DHRSX: variants seen among roughly 807,000 people sequenced by gnomAD.
The protein encoded by DHRSX is polyprenol dehydrogenase.
DHRSX carries 31 observed loss-of-function variants against 34.0 expected under a neutral mutation model. The observed-to-expected ratio is 0.91, with a 90% CI of 0.69 to 1.23. The LOEUF (loss-of-function observed/expected upper bound fraction) is 1.23, where lower values mean the gene tolerates loss of function less well. DHRSX is among the 50% of genes most tolerant of loss of function. The pLI is 0.00. For synonymous variants in DHRSX, 201 were observed against 183.8 expected, an observed-to-expected ratio of 1.09 and a Z score of -0.76; for missense variants, 414 against 428.1, an observed-to-expected ratio of 0.97 and a Z score of 0.29.
chrX:2,345,459 A>G (rs1320494209), intron 3 of DHRSX, among the ~76,000 whole-genome samples: 1 of 151,936 alleles, frequency 6.6e-6, no homozygotes, highest in Non-Finnish European at 1.5e-5. Context: ...CCTGGCCAAC[A>G]TGGTGAAACC....
chrX:2,450,219 G>A (rs1320593703), intron 1 of DHRSX, among the ~76,000 whole-genome samples: 1 of 151,988 alleles, frequency 6.6e-6, no homozygotes, highest in Non-Finnish European at 1.5e-5. Flanking sequence ...TTTTTGGAAG[G>A]CCCACTTGTC....
intron 4 of DHRSX, among the ~76,000 whole-genome samples, chrX:2,276,386 A>G (rs1327317229): frequency 6.6e-6 from 1 of 152,228 alleles, no homozygotes; most frequent in Non-Finnish European, 1.5e-5. Flanking sequence ...TGGAGAATAC[A>G]CAATAGAACT....
intron 3 of DHRSX, among the ~76,000 whole-genome samples, chrX:2,361,868 C>T (rs1391987005): frequency 6.6e-6 from 1 of 152,172 alleles, no homozygotes; most frequent in Non-Finnish European, 1.5e-5. Flanking sequence ...GGTTCACCAT[C>T]GGCAAGCATT....
intron 5 of DHRSX, among the ~76,000 whole-genome samples, chrX:2,262,671 C>T (rs943230719): frequency 1.3e-5 from 2 of 152,250 alleles, no homozygotes; most frequent in African/African-American, 4.8e-5. Context: ...GCCCTGCTCT[C>T]CCTGCATTCC....
At chrX:2,387,356 A>G (rs947346396) in intron 3 of DHRSX, among the ~76,000 whole-genome samples, 1 of 152,178 alleles carries the variant, frequency 6.6e-6, no homozygotes, top group African/African-American at 2.4e-5. Flanking sequence ...GGATAGATAT[A>G]TAGAAAGGGG....
rs371026792 is a variant in DHRSX, at chrX:2,236,069, G to A, written c.804+6954C>T. ...AGGGGTTGCAGTGAGCTGAGATCGC[G>A]CCATTGTACTCCAGCCTGGGTGACA... is the stretch of plus-strand genomic sequence containing the variant. On this transcript the variant is annotated intron_variant, in intron 6 of 6. Transcript: ENST00000334651. Among the ~76,000 whole-genome samples the A allele has an allele frequency of 7.9e-5, 12 of 151,888 alleles. No homozygotes were observed. In the South Asian group the frequency reaches 1.2e-3, roughly 16 times the overall value.
At chrX:2,348,783 T>A (rs2042751557) in intron 3 of DHRSX, among the ~76,000 whole-genome samples, 4 of 151,860 alleles carry the variant, frequency 2.6e-5, no homozygotes, top group Non-Finnish European at 5.9e-5. Flanking sequence ...AACCTCCGCC[T>A]CCCAGGTTCA....
chrX:2,226,880 A>G (rs909030548), intron 6 of DHRSX, among the ~76,000 whole-genome samples: 2 of 152,104 alleles, frequency 1.3e-5, no homozygotes, highest in African/African-American at 2.4e-5. Context: ...TGTGACAGGT[A>G]GGGAAAACAG....
chrX:2,434,035 C>T (rs753259043), intron 1 of DHRSX, among the ~76,000 whole-genome samples: 21 of 152,272 alleles, frequency 1.4e-4, no homozygotes, highest in African/African-American at 5.1e-4. Context: ...GCCTCGGCCT[C>T]CCAAAGTGCT....
chrX:2,234,536 A>T (rs1001114124), intron 6 of DHRSX, among the ~76,000 whole-genome samples: 10 of 152,242 alleles, frequency 6.6e-5, no homozygotes, highest in African/African-American at 2.2e-4. Context: ...TATTCAGAAC[A>T]GCAAAGATAT....
chrX:2,308,899 A>AGGAAGGAAGGAAG (rs71914744), intron 3 of DHRSX, among the ~76,000 whole-genome samples: 1 of 145,386 alleles, frequency 6.9e-6, no homozygotes, highest in Admixed American at 6.8e-5. Flanking sequence ...GAAGGAAGGA[A>AGGAAGGAAGGAAG]GAAGGAGAAA....
At chrX:2,285,311 G>A (rs1262416441) in intron 4 of DHRSX, among the ~76,000 whole-genome samples, 1 of 152,140 alleles carries the variant, frequency 6.6e-6, no homozygotes, top group Non-Finnish European at 1.5e-5. Flanking sequence ...GGGGTGATGG[G>A]AGACAGTGAC....
At chrX:2,268,172 C>T (rs189105996) in intron 4 of DHRSX, among the ~76,000 whole-genome samples, 1 of 152,186 alleles carries the variant, frequency 6.6e-6, no homozygotes, top group African/African-American at 2.4e-5. Context: ...AACAGCCCAC[C>T]CCTGTCAGGC....
chrX:2,315,533 C>T (rs1270229859), intron 3 of DHRSX, among the ~76,000 whole-genome samples: 2 of 152,182 alleles, frequency 1.3e-5, no homozygotes, highest in South Asian at 2.1e-4. Flanking sequence ...TTGAACCTAG[C>T]GAATATAGAT....
intron 3 of DHRSX, among the ~76,000 whole-genome samples, chrX:2,370,812 C>A (rs143586213): frequency 6.6e-6 from 1 of 152,090 alleles, no homozygotes; most frequent in African/African-American, 2.4e-5. Flanking sequence ...GTTGGGCCAG[C>A]CTCACCTGGA....
chrX:2,272,921 G>C (rs1398390450), intron 4 of DHRSX, among the ~76,000 whole-genome samples: 2 of 152,156 alleles, frequency 1.3e-5, no homozygotes, highest in East Asian at 1.9e-4. Context: ...TCATTTGTTC[G>C]ATCCAGCAAT....
intron 3 of DHRSX, among the ~76,000 whole-genome samples, chrX:2,301,621 C>A (rs1485339006): frequency 6.6e-6 from 1 of 152,026 alleles, no homozygotes; most frequent in Non-Finnish European, 1.5e-5. Context: ...AGGAGCACGC[C>A]AGGTCTTTTC....
At chrX:2,434,262 G>C (rs922305307) in intron 1 of DHRSX, among the ~76,000 whole-genome samples, 2 of 152,292 alleles carry the variant, frequency 1.3e-5, no homozygotes, top group East Asian at 3.9e-4. Context: ...TAAAAAGTAG[G>C]GTTGTTATCC....
At chrX:2,319,542 CAAA>C (rs776261461) in intron 3 of DHRSX, among the ~76,000 whole-genome samples, 4 of 107,352 alleles carry the variant, frequency 3.7e-5, no homozygotes, top group African/African-American at 1.4e-4. Flanking sequence ...GACTCCATCT[CAAA>C]AAAAAAAAAA....
Sources: allele counts gnomAD v4.1 joint callset (sites outside exome capture counted in the v4.1 genomes callset), GRCh38; gene constraint gnomAD v4.1.1; transcripts MANE v1.5; gene names NCBI Gene and HGNC (gene_info 2026-07-23, HGNC 2026-07-21).